ZMYND11: variants seen among roughly 807,000 people sequenced by gnomAD.
ZMYND11 encodes zinc finger MYND domain-containing protein 11.
Under a neutral mutation model 84.9 loss-of-function variants are expected in ZMYND11, and 9 were observed. The ratio of observed to expected loss-of-function variants is 0.11; its 90% CI spans 0.06 to 0.18. ZMYND11 has a LOEUF of 0.18. ZMYND11 is among the 10% of genes least tolerant of loss of function. The probability of loss-of-function intolerance (pLI) is 1.00; values close to 1 mark genes in which losing one functional copy is unlikely to be tolerated. For synonymous variants in ZMYND11, 250 were observed against 244.1 expected (o/e 1.02, Z -0.23); for missense variants, 409 against 761.0 (o/e 0.54, Z 5.44).
intron 3 of ZMYND11, among the ~76,000 whole-genome samples, chr10:213,663 T>G (rs1176228951): frequency 2.0e-5 from 3 of 152,186 alleles, no homozygotes; most frequent in Non-Finnish European, 2.9e-5. Context: ...AAAGGTGTAT[T>G]TATCTTGATA....
chr10:214,587 T>A (rs115320862), intron 3 of ZMYND11, among the ~76,000 whole-genome samples: 430 of 152,340 alleles, frequency 2.8e-3, no homozygotes, highest in African/African-American at 9.9e-3. Context: ...CTTTTAAAAT[T>A]ATATTGGAAA....
intron 1 of ZMYND11, among the ~76,000 whole-genome samples, chr10:174,450 C>A (rs2131689512): frequency 6.6e-6 from 1 of 152,352 alleles, no homozygotes; most frequent in East Asian, 1.9e-4. Flanking sequence ...TGGAACTATT[C>A]TGTATGGGCA....
chr10:144,999 C>T (rs1042402506), intron 1 of ZMYND11, among the ~76,000 whole-genome samples: 14 of 151,102 alleles, frequency 9.3e-5, no homozygotes, highest in African/African-American at 3.4e-4. Context: ...TAGCTTAGTT[C>T]TCACAAGTGA....
At chr10:191,189 G>A (rs1165823676) in intron 2 of ZMYND11, among the ~76,000 whole-genome samples, 2 of 152,176 alleles carry the variant, frequency 1.3e-5, no homozygotes, top group East Asian at 1.9e-4. Flanking sequence ...GAGTTATGTT[G>A]TGATGAGTCC....
In ZMYND11 at chr10:240,129, A is replaced by T; in HGVS notation, c.753+18A>T. On this transcript the variant is annotated intron_variant, in intron 8 of 14. Transcript: ENST00000381604. ...GTCATGAGGTACTATTCATTGCCCAATAGTTATACTCTTTCTATAACTGAA... is the reference window on the plus strand; with the variant it reads ...GTCATGAGGTACTATTCATTGCCCATTAGTTATACTCTTTCTATAACTGAA... The T allele has an allele frequency of 6.3e-7, 1 of 1,576,000 alleles. No individual in the cohort carries two copies. The highest frequency in any genetic ancestry group is 8.7e-7 in the Non-Finnish European group (1 of 1,154,056).
chr10:228,306 TG>T (rs1948461085), intron 4 of ZMYND11, among the ~76,000 whole-genome samples: 1 of 152,278 alleles, frequency 6.6e-6, no homozygotes. Flanking sequence ...TTGGTGTATT[TG>T]GCCTTTGTGA....
chr10:225,090 A>C (rs910869100), intron 4 of ZMYND11, among the ~76,000 whole-genome samples: 2 of 152,258 alleles, frequency 1.3e-5, no homozygotes, highest in Non-Finnish European at 2.9e-5. Flanking sequence ...CCTTTAAAAC[A>C]CAATATAGTC....
rs185444546 is a variant in ZMYND11 at position 248,310 on chromosome 10, G to A, written c.1228-26G>A. The A allele has an allele frequency of 1.2e-3, 1,982 of 1,604,476 alleles. 34 individuals carry two copies. In the South Asian group the frequency reaches 0.015, roughly 12 times the overall value. ...GGTGAATTATGTGGCTTCGTTTGGC[G>A]TCTAAACTCTTGTCTCACCTTTTAG... is the stretch of plus-strand genomic sequence containing the variant. On this transcript the variant is annotated intron_variant, in intron 12 of 14. Coordinates refer to ENST00000381604, the MANE Select transcript of ZMYND11 (RefSeq NM_001370100.5).
upstream of ZMYND11, among the ~76,000 whole-genome samples, chr10:132,293 T>C (rs1835329859): frequency 6.7e-6 from 1 of 148,602 alleles, no homozygotes; most frequent in African/African-American, 2.4e-5. Context: ...ATATAATATA[T>C]ATATTTTATA....
intron 2 of ZMYND11, among the ~76,000 whole-genome samples, chr10:201,824 A>G (rs1943229077): frequency 6.6e-6 from 1 of 152,086 alleles, no homozygotes. Flanking sequence ...AGTTCAGAGA[A>G]ATTGAATGTA....
intron 9 of ZMYND11, 104 bp downstream of exon 9, chr10:241,074 A>G (rs1052382108): frequency 1.8e-5 from 15 of 829,286 alleles, no homozygotes; most frequent in South Asian, 5.2e-5. Context: ...TTAAAATATC[A>G]TAGTATATAT....
At chr10:143,910 G>A (rs1303302859) in intron 1 of ZMYND11, among the ~76,000 whole-genome samples, 1 of 151,788 alleles carries the variant, frequency 6.6e-6, no homozygotes, top group African/African-American at 2.4e-5. Flanking sequence ...AGGCCGAGGC[G>A]GGCAGATCAC....
In ZMYND11 at chr10:168,116, T is replaced by C. The variant is rs1314949767; in HGVS notation, c.-19-11878T>C. Among the ~76,000 whole-genome samples the C allele has an allele frequency of 9.9e-4, 151 of 152,234 alleles. 5 individuals are homozygous for C. Among genetic ancestry groups the C allele is most frequent in the Non-Finnish European group, 3.4e-4 (23 of 68,016 alleles). On this transcript the variant is annotated intron_variant, in intron 1 of 14. Coordinates refer to ENST00000381604, the MANE Select transcript of ZMYND11 (RefSeq NM_001370100.5). ...AGGGGCATGAAGAAGGTTTAAAATA[T>C]GGGATGCTTTAAAAAACTGACAATA...
chr10:191,543 T>C (rs1940401033), intron 2 of ZMYND11, among the ~76,000 whole-genome samples: 1 of 152,366 alleles, frequency 6.6e-6, no homozygotes, highest in African/African-American at 2.4e-5. Context: ...GGATGTATTC[T>C]GAAAAGTTAA....
chr10:145,146 GTATATATATATGTGTGTGTATATATA>G (rs1463711843), intron 1 of ZMYND11, among the ~76,000 whole-genome samples: 8 of 149,568 alleles, frequency 5.3e-5, no homozygotes, highest in Admixed American at 4.0e-4. Context: ...ATATATATGT[GTATATATATATGTGTGTGTATATATA>G]TGTGTATATA....
chr10:183,006 T>A (rs780524495), intron 2 of ZMYND11, among the ~76,000 whole-genome samples: 4 of 152,220 alleles, frequency 2.6e-5, no homozygotes, highest in South Asian at 4.1e-4. Context: ...CAAGAATGCA[T>A]GTTAGTCATT....
chr10:183,534 T>G (rs1288781357), intron 2 of ZMYND11, among the ~76,000 whole-genome samples: 1 of 152,222 alleles, frequency 6.6e-6, no homozygotes, highest in African/African-American at 2.4e-5. Context: ...CCAATCTATC[T>G]TTCCTTTTCT....
At chr10:240,152 G>A in intron 8 of ZMYND11, 41 bp downstream of exon 8, 1 of 1,436,844 alleles carries the variant, frequency 7.0e-7, no homozygotes, top group African/African-American at 1.4e-5. Context: ...TTCTATAACT[G>A]AAATTAATTT....
chr10:250,070 C>T (rs754315790), intron 14 of ZMYND11, among the ~76,000 whole-genome samples: 4 of 152,192 alleles, frequency 2.6e-5, no homozygotes, highest in Non-Finnish European at 5.9e-5. Flanking sequence ...AGCGTGCTTT[C>T]CGAATAACTT....
Sources: gnomAD v4.1 joint callset for allele counts (sites outside exome capture counted in the v4.1 genomes callset) on GRCh38, gnomAD v4.1.1 for gene constraint, MANE v1.5 for transcripts, NCBI Gene and HGNC (gene_info 2026-07-23, HGNC 2026-07-21) for gene names.